Variants in MPDZ observed in about 807,000 individuals in gnomAD.
MPDZ encodes the protein multiple PDZ domain crumbs cell polarity complex component.
A neutral mutation model predicts 239.1 loss-of-function variants in MPDZ; 234 were observed. The ratio of observed to expected loss-of-function variants is 0.98; its 90% CI spans 0.88 to 1.09. MPDZ has a LOEUF of 1.09. Among genes scored for constraint, MPDZ ranks in the 50% least tolerant of loss-of-function variants. The probability of loss-of-function intolerance (pLI) is 0.00; values close to 1 mark genes in which losing one functional copy is unlikely to be tolerated. For missense variants in MPDZ, 3,175 were observed against 2,510.0 expected (o/e 1.26, Z -5.66); for synonymous variants, 1,048 against 881.3 (o/e 1.19, Z -3.35).
At chr9:13,204,951 C>A in intron 12 of MPDZ, 85 bp downstream of exon 12, 1 of 867,698 alleles carries the variant, frequency 1.2e-6, no homozygotes, top group South Asian at 2.8e-5. Flanking sequence ...ACAATATATC[C>A]ATAGAGGCTT....
intron 1 of MPDZ, among the ~76,000 whole-genome samples, chr9:13,251,056 G>T (rs1967839723): frequency 7.1e-6 from 1 of 140,046 alleles, no homozygotes; most frequent in Non-Finnish European, 1.5e-5. Flanking sequence ...TTGAACCCAG[G>T]AAGCGGTGGT....
chr9:13,205,176 A>G, intron 11 of MPDZ, 69 bp from the exon 12 acceptor site: 1 of 835,650 alleles, frequency 1.2e-6, no homozygotes, highest in African/African-American at 1.8e-5. Flanking sequence ...TTCTAAACCC[A>G]GTATATTTAT....
intron 3 of MPDZ, among the ~76,000 whole-genome samples, chr9:13,241,051 T>C: frequency 6.6e-6 from 1 of 152,156 alleles, no homozygotes; most frequent in Admixed American, 6.6e-5. Context: ...CAGTGCCTTC[T>C]TGCCCACGGT....
At chr9:13,245,315 G>C (rs1183119659) in intron 3 of MPDZ, among the ~76,000 whole-genome samples, 2 of 150,746 alleles carry the variant, frequency 1.3e-5, no homozygotes, top group African/African-American at 4.9e-5. Flanking sequence ...GTAAAGAATG[G>C]AGATTTAAAA....
chr9:13,142,286 CACA>C (rs1230589092), intron 27 of MPDZ, among the ~76,000 whole-genome samples: 1 of 151,934 alleles, frequency 6.6e-6, no homozygotes, highest in Non-Finnish European at 1.5e-5. Flanking sequence ...GGATCTCAGG[CACA>C]ACATTTTCAT....
At chr9:13,176,945 C>G (rs1013954546) in intron 19 of MPDZ, among the ~76,000 whole-genome samples, 1 of 152,034 alleles carries the variant, frequency 6.6e-6, no homozygotes, top group African/African-American at 2.4e-5. Context: ...TTTTACAATT[C>G]AAATTATCGT....
Position 13,237,631 on chromosome 9 carries a change from T to G in MPDZ, c.183+10004A>C, listed in dbSNP as rs368580368. Among the ~76,000 whole-genome samples, 3 of 151,734 alleles carry G rather than the reference T, an allele frequency of 2.0e-5. No individual in the cohort carries two copies. In the East Asian group the frequency reaches 5.8e-4, roughly 30 times the overall value. On this transcript the variant is annotated intron_variant, in intron 3 of 46. Coordinates refer to ENST00000319217, the MANE Select transcript of MPDZ (RefSeq NM_001378778.1). ...CAAACTATGATTATATAGACTTGAG[T>G]ATAGAAAAGACATTTTCTCAAAAAT...
At chr9:13,107,894 C>G (rs1028149238) in intron 46 of MPDZ, among the ~76,000 whole-genome samples, 1 of 152,052 alleles carries the variant, frequency 6.6e-6, no homozygotes, top group Non-Finnish European at 1.5e-5. Context: ...ACTAGCATGC[C>G]TTAAATAAAT....
At chr9:13,152,677 C>G (rs942275775) in intron 24 of MPDZ, among the ~76,000 whole-genome samples, 1 of 152,044 alleles carries the variant, frequency 6.6e-6, no homozygotes, top group Non-Finnish European at 1.5e-5. Context: ...GTACTTTCCT[C>G]TCTCCACTCT....
intron 10 of MPDZ, among the ~76,000 whole-genome samples, chr9:13,210,949 C>CCTTCCTT (rs1416574604): frequency 6.6e-6 from 1 of 152,074 alleles, no homozygotes; most frequent in African/African-American, 2.4e-5. Context: ...ACAAAATGCC[C>CCTTCCTT]CTTCCTTCTT....
At chr9:13,177,455 A>G (rs1298423528) in intron 19 of MPDZ, among the ~76,000 whole-genome samples, 2 of 152,182 alleles carry the variant, frequency 1.3e-5, no homozygotes, top group African/African-American at 2.4e-5. Flanking sequence ...ATATATACAT[A>G]TAAGTACACA....
At chr9:13,270,514 G>T (rs1024749589) in intron 1 of MPDZ, among the ~76,000 whole-genome samples, 3 of 150,094 alleles carry the variant, frequency 2.0e-5, no homozygotes, top group African/African-American at 7.3e-5. Context: ...AAGGCAATAT[G>T]ATAAAAGACA....
intron 21 of MPDZ, among the ~76,000 whole-genome samples, chr9:13,173,601 G>A (rs963495165): frequency 1.3e-5 from 2 of 151,884 alleles, no homozygotes; most frequent in African/African-American, 2.4e-5. Context: ...TACTCAGGAG[G>A]CTGAGAGGGA....
intron 22 of MPDZ, among the ~76,000 whole-genome samples, chr9:13,166,328 A>G (rs1372241210): frequency 6.6e-6 from 1 of 152,180 alleles, no homozygotes. Context: ...ACTTCATGCA[A>G]AATGCACAGA....
Position 13,140,035 on chromosome 9 carries a change from T to G in MPDZ, c.3955A>C (p.Lys1319Gln). The change falls in exon 28 of 47, where the codon AAA becomes CAA. Residue 1319 changes from lysine to glutamine, a missense_variant. Transcript: ENST00000319217. ...TCTTTGTCCACATCTTGTGAGATTT[T>G]GCTTGCAGATGACTGTGTGTGATCA... ...GSDHTQSSAS[K>Q]ISQDVDKEDE... The G allele has an allele frequency of 6.2e-7, 1 of 1,613,468 alleles. No individual in the cohort carries two copies. Among genetic ancestry groups the G allele is most frequent in the Non-Finnish European group, 8.5e-7 (1 of 1,179,734 alleles).
At chr9:13,138,567 G>GT (rs1201950086) in intron 28 of MPDZ, among the ~76,000 whole-genome samples, 1 of 152,174 alleles carries the variant, frequency 6.6e-6, no homozygotes, top group Non-Finnish European at 1.5e-5. Context: ...TCAACATTGT[G>GT]TATCACATCA....
chr9:13,273,655 G>A (rs897488074), intron 1 of MPDZ, among the ~76,000 whole-genome samples: 3 of 152,122 alleles, frequency 2.0e-5, no homozygotes. Context: ...AGCCACATAT[G>A]TAATTTTGTC....
intron 12 of MPDZ, among the ~76,000 whole-genome samples, chr9:13,204,407 G>A (rs1479627499): frequency 1.3e-5 from 2 of 152,078 alleles, no homozygotes; most frequent in East Asian, 3.9e-4. Flanking sequence ...GGCCAACATG[G>A]CGAAATCTGT....
chr9:13,126,548 C>G lies in MPDZ; in HGVS notation c.4600G>C (p.Asp1534His). 6.3e-7 allele frequency: 1 copy of G among 1,579,158 alleles called. No homozygotes were observed. Among genetic ancestry groups the G allele is most frequent in the Non-Finnish European group, 8.6e-7 (1 of 1,161,118 alleles). Residue 1534 changes from aspartate (D) to histidine (H), a missense_variant, in exon 34 of 47, where the codon GAT becomes CAT. Transcript: ENST00000319217. ...ATAGGGTAACCAACAACAATTTCAT[C>G]ATCTACAGCCAGTATCTGATCTCCG... ...KVGDQILAVD[D>H]EIVVGYPIEK...
Sources: allele counts gnomAD v4.1 joint callset (sites outside exome capture counted in the v4.1 genomes callset), GRCh38; gene constraint gnomAD v4.1.1; transcripts MANE v1.5; gene names NCBI Gene and HGNC (gene_info 2026-07-23, HGNC 2026-07-21).